Variants in CERS3 observed in about 807,000 individuals in gnomAD.
CERS3 encodes the protein ceramide synthase 3, also known as LAG1 homolog, ceramide synthase 3.
In CERS3, 33 loss-of-function variants were observed where a neutral mutation model predicts 50.3. The observed-to-expected ratio is 0.66, with a 90% CI of 0.50 to 0.88. The LOEUF (loss-of-function observed/expected upper bound fraction) is 0.88. Among genes scored for constraint, CERS3 ranks in the 40% least tolerant of loss-of-function variants. The pLI, the probability that CERS3 is intolerant of heterozygous loss-of-function variation, is 0.00. For missense variants in CERS3, 470 were observed against 460.3 expected (o/e 1.02, Z -0.19); for synonymous variants, 176 against 155.2 (o/e 1.13, Z -0.99).
chr15:100,429,354 C>T (rs1419866231), intron 11 of CERS3, among the ~76,000 whole-genome samples: 1 of 152,052 alleles, frequency 6.6e-6, no homozygotes, highest in African/African-American at 2.4e-5. Flanking sequence ...AGTAGCACTG[C>T]GATGTGGAAG....
chr15:100,468,434 C>T (rs570143884), intron 10 of CERS3, among the ~76,000 whole-genome samples: 1 of 152,184 alleles, frequency 6.6e-6, no homozygotes, highest in Non-Finnish European at 1.5e-5. Flanking sequence ...TACACATGGT[C>T]TAAAGAATGC....
At chr15:100,452,531 A>G (rs143756055) in intron 11 of CERS3, among the ~76,000 whole-genome samples, 1,766 of 152,288 alleles carry the variant, frequency 0.012, 31 homozygotes, top group African/African-American at 0.039. Context: ...GTTTATAGCA[A>G]TAAACTTCTA....
intron 11 of CERS3, among the ~76,000 whole-genome samples, chr15:100,405,462 C>T (rs772585163): frequency 1.2e-4 from 18 of 152,112 alleles, no homozygotes; most frequent in Admixed American, 4.6e-4. Context: ...CTGACAAGGA[C>T]GCAAAACAAT....
intron 11 of CERS3, among the ~76,000 whole-genome samples, chr15:100,443,150 C>T (rs4270160): frequency 0.93 from 137,996 of 148,138 alleles, 64,091 homozygotes; most frequent in Non-Finnish European, 1. Context: ...GCCTCCTTTG[C>T]GTCCTCCTCT....
At chr15:100,436,847 C>T (rs1251747514) in intron 11 of CERS3, among the ~76,000 whole-genome samples, 5 of 151,922 alleles carry the variant, frequency 3.3e-5, no homozygotes, top group African/African-American at 1.2e-4. Flanking sequence ...GCTGAAAAGA[C>T]ACGCTGTTAT....
chr15:100,416,944 G>A (rs1349100902), intron 11 of CERS3, among the ~76,000 whole-genome samples: 3 of 152,060 alleles, frequency 2.0e-5, no homozygotes, highest in South Asian at 2.1e-4. Flanking sequence ...AAAAGAAAAC[G>A]TACATGCAGC....
At chr15:100,475,036 G>C (rs1179178156) in intron 8 of CERS3, among the ~76,000 whole-genome samples, 12 of 152,134 alleles carry the variant, frequency 7.9e-5, no homozygotes, top group Admixed American at 7.9e-4. Flanking sequence ...TCAAAGGTGG[G>C]TGAAATACAT....
chr15:100,421,346 G>C (rs77539038), intron 11 of CERS3, among the ~76,000 whole-genome samples: 140,118 of 149,170 alleles, frequency 0.94, 66,479 homozygotes, highest in East Asian at 1. Flanking sequence ...GCTTCAAAGA[G>C]AATCAAATAC....
chr15:100,457,703 C>T (rs1217111606), intron 10 of CERS3, among the ~76,000 whole-genome samples: 2 of 152,146 alleles, frequency 1.3e-5, no homozygotes, highest in Non-Finnish European at 2.9e-5. Flanking sequence ...GAATTGTGTG[C>T]CATCTGGTAA....
chr15:100,412,033 T>G (rs2031530879), intron 11 of CERS3, among the ~76,000 whole-genome samples: 2 of 152,330 alleles, frequency 1.3e-5, no homozygotes, highest in Admixed American at 1.3e-4. Context: ...AGATATATGA[T>G]TTGCAAATAT....
intron 5 of CERS3, 21 bp from the exon 6 acceptor site, chr15:100,480,067 C>A: frequency 1.3e-6 from 2 of 1,582,424 alleles, no homozygotes; most frequent in Non-Finnish European, 1.7e-6. Context: ...AAAGAAAAAT[C>A]TTTACTCCCT....
chr15:100,477,044 T>C (rs2035149735), intron 7 of CERS3, among the ~76,000 whole-genome samples: 1 of 152,170 alleles, frequency 6.6e-6, no homozygotes, highest in Non-Finnish European at 1.5e-5. Context: ...GGCCTCCCAA[T>C]TGTCTGAAAA....
At chr15:100,457,870 T>G (rs2034426960) in intron 10 of CERS3, among the ~76,000 whole-genome samples, 1 of 152,240 alleles carries the variant, frequency 6.6e-6, no homozygotes, top group Non-Finnish European at 1.5e-5. Flanking sequence ...ATAACATTTG[T>G]GAGATTTTAT....
At chr15:100,488,808 C>T (rs1452682882) in intron 4 of CERS3, among the ~76,000 whole-genome samples, 3 of 147,408 alleles carry the variant, frequency 2.0e-5, no homozygotes, top group Non-Finnish European at 3.0e-5. Flanking sequence ...GATGGAGTCT[C>T]ACTCTGTCAC....
intron 2 of CERS3, among the ~76,000 whole-genome samples, chr15:100,513,121 C>A (rs2036394088): frequency 6.6e-6 from 1 of 152,176 alleles, no homozygotes; most frequent in Non-Finnish European, 1.5e-5. Context: ...ATGGTCTTCC[C>A]TTCAAGATGT....
intron 11 of CERS3, among the ~76,000 whole-genome samples, chr15:100,451,459 T>G (rs2034164230): frequency 1.3e-5 from 2 of 152,198 alleles, no homozygotes; most frequent in African/African-American, 4.8e-5. Flanking sequence ...ATCCCAGCAC[T>G]TTGGGAGGCC....
At chr15:100,505,246 G>C (rs973123631) in intron 2 of CERS3, among the ~76,000 whole-genome samples, 1 of 152,160 alleles carries the variant, frequency 6.6e-6, no homozygotes, top group Non-Finnish European at 1.5e-5. Flanking sequence ...TTGCTCACCT[G>C]TAAAACACAA....
chr15:100,441,061 C>T (rs368632930), intron 11 of CERS3, among the ~76,000 whole-genome samples: 14 of 152,250 alleles, frequency 9.2e-5, no homozygotes, highest in Admixed American at 5.9e-4. Flanking sequence ...TCACCCTTAG[C>T]GGCAAGTCCC....
intron 8 of CERS3, 70 bp downstream of exon 8, chr15:100,476,016 A>T: frequency 2.1e-6 from 2 of 970,254 alleles, no homozygotes; most frequent in Non-Finnish European, 1.5e-6. Flanking sequence ...CTTAAAGATT[A>T]GAATTTGGGG....
Sources: allele counts gnomAD v4.1 joint callset (sites outside exome capture counted in the v4.1 genomes callset), GRCh38; gene constraint gnomAD v4.1.1; transcripts MANE v1.5; gene names NCBI Gene and HGNC (gene_info 2026-07-23, HGNC 2026-07-21).